Variants in TDRD1 observed in about 807,000 individuals in gnomAD.
TDRD1 encodes tudor domain-containing protein 1.
In TDRD1, 37 loss-of-function variants were observed where a neutral mutation model predicts 140.6. The ratio of observed to expected loss-of-function variants is 0.26; its 90% CI spans 0.20 to 0.35. TDRD1 has a LOEUF of 0.35. TDRD1 is among the 10% of genes least tolerant of loss of function. TDRD1 has a pLI of 1.00. For missense variants in TDRD1, 1,243 were observed against 1,393.0 expected (o/e 0.89, Z 1.71); for synonymous variants, 506 against 475.7 (o/e 1.06, Z -0.83).
exon 2 of TDRD1, chr10:114,188,079 A>T: frequency 6.2e-7 from 1 of 1,613,816 alleles, no homozygotes; most frequent in Non-Finnish European, 8.5e-7. Context: ...CAGGAAGACA[A>T]TTCAGTTTCT....
intron 3 of TDRD1, among the ~76,000 whole-genome samples, chr10:114,195,708 T>C (rs551553799): frequency 1.3e-5 from 2 of 152,250 alleles, no homozygotes; most frequent in African/African-American, 4.8e-5. Context: ...ATAGACACCA[T>C]ATATTTAGGT....
At chr10:114,192,325 A>C (rs2034036862) in intron 3 of TDRD1, among the ~76,000 whole-genome samples, 1 of 75,820 alleles carries the variant, frequency 1.3e-5, no homozygotes, top group African/African-American at 5.3e-5. Context: ...TTTTTTTGAG[A>C]CGGAGTCTTG....
chr10:114,182,604 C>T (rs192617994), intron 1 of TDRD1, among the ~76,000 whole-genome samples: 4 of 152,134 alleles, frequency 2.6e-5, no homozygotes, highest in African/African-American at 7.2e-5. Context: ...GATGTCATTT[C>T]GGACAGCAGG....
intron 14 of TDRD1, among the ~76,000 whole-genome samples, chr10:114,213,115 C>T (rs1408425258): frequency 6.6e-6 from 1 of 152,056 alleles, no homozygotes; most frequent in African/African-American, 2.4e-5. Context: ...CCATGTTGCC[C>T]AGTCTGGTCT....
intron 11 of TDRD1, among the ~76,000 whole-genome samples, chr10:114,209,249 G>A (rs1443979322): frequency 6.6e-6 from 1 of 152,128 alleles, no homozygotes; most frequent in Non-Finnish European, 1.5e-5. Context: ...AACTCATGGA[G>A]GATCTTATGA....
At chr10:114,210,714 A>G (rs1487715400) in exon 12 of TDRD1, 1 of 1,612,142 alleles carries the variant, frequency 6.2e-7, no homozygotes, top group Non-Finnish European at 8.5e-7. Flanking sequence ...TTCAAACACC[A>G]GAAGACTTCT....
intron 25 of TDRD1, among the ~76,000 whole-genome samples, chr10:114,229,354 T>A (rs182099455): frequency 6.6e-6 from 1 of 152,332 alleles, no homozygotes; most frequent in Admixed American, 6.5e-5. Flanking sequence ...ATCTTTCATG[T>A]GGTAATAGAC....
chr10:114,202,187 A>G (rs140252505), intron 5 of TDRD1, 51 bp from the exon 6 acceptor site: 47 of 1,426,416 alleles, frequency 3.3e-5, no homozygotes, highest in Non-Finnish European at 4.3e-5. Flanking sequence ...GATAGCCCCT[A>G]TGTTAATTGC....
At chr10:114,207,617 G>A (rs1750412963) in intron 11 of TDRD1, among the ~76,000 whole-genome samples, 1 of 152,052 alleles carries the variant, frequency 6.6e-6, no homozygotes, top group African/African-American at 2.4e-5. Flanking sequence ...TGGTAGTCAT[G>A]GTTGAAACCG....
chr10:114,205,234 C>G (rs1411842353), intron 10 of TDRD1, among the ~76,000 whole-genome samples: 1 of 152,170 alleles, frequency 6.6e-6, no homozygotes, highest in African/African-American at 2.4e-5. Flanking sequence ...CTTGGAGTAA[C>G]CTTCACGGAA....
intron 6 of TDRD1, among the ~76,000 whole-genome samples, chr10:114,202,637 C>T (rs1589681467): frequency 6.6e-6 from 1 of 152,160 alleles, no homozygotes; most frequent in Non-Finnish European, 1.5e-5. Flanking sequence ...TAGGCAACAA[C>T]ATGGGCTGAA....
chr10:114,219,624 G>A, intron 18 of TDRD1, among the ~76,000 whole-genome samples: 1 of 113,054 alleles, frequency 8.8e-6, no homozygotes, highest in South Asian at 2.7e-4. Flanking sequence ...TTTCACTGTT[G>A]TTGCCCAGGC....
At chr10:114,176,290 G>GA (rs558894627), upstream of TDRD1, among the ~76,000 whole-genome samples, 11,040 of 134,916 alleles carry the variant, frequency 0.082, 449 homozygotes, top group South Asian at 0.1. This position sits in a 1 kb window ranked among gnomAD's most constrained non-coding sequence, Gnocchi z 4.2. Flanking sequence ...AAATTGAATG[G>GA]AAAAAAAAAA....
chr10:114,187,689 A>T (rs2033643174), intron 1 of TDRD1, 137 bp from the exon 2 acceptor site: 1 of 756,452 alleles, frequency 1.3e-6, no homozygotes, highest in Admixed American at 3.0e-5. Flanking sequence ...TTTTGATGTC[A>T]TGGTTATATC....
At chr10:114,204,861 C>A in exon 10 of TDRD1, 4 of 1,593,792 alleles carry the variant, frequency 2.5e-6, no homozygotes, top group Non-Finnish European at 3.4e-6. Flanking sequence ...GAAGTGGTTA[C>A]CTTTGCTGTA....
At chr10:114,194,421 T>C (rs1239898614) in intron 3 of TDRD1, among the ~76,000 whole-genome samples, 1 of 152,156 alleles carries the variant, frequency 6.6e-6, no homozygotes, top group Non-Finnish European at 1.5e-5. Context: ...TGTTTGCATT[T>C]TTTAAGGAAT....
At chr10:114,189,686 G>C (rs1479163022) in intron 2 of TDRD1, among the ~76,000 whole-genome samples, 1 of 152,098 alleles carries the variant, frequency 6.6e-6, no homozygotes, top group African/African-American at 2.4e-5. Flanking sequence ...CAAACCCCTG[G>C]GCACAAACGA....
At chr10:114,190,511 G>A (rs992151767) in intron 2 of TDRD1, among the ~76,000 whole-genome samples, 6 of 152,016 alleles carry the variant, frequency 3.9e-5, no homozygotes, top group African/African-American at 9.7e-5. Flanking sequence ...TTTTCAAGAC[G>A]GAGTCTCACT....
chr10:114,201,527 T>C lies in TDRD1; in HGVS notation c.635+12T>C, dbSNP rs1182182289. On this transcript the variant is annotated intron_variant, in intron 5 of 25. Transcript: ENST00000251864. The stretch of plus-strand genomic sequence containing the variant: ...CCTGTTCAGCCAAAGTAAGGATTTA[T>C]GATCTTTTTATTCATTAAGGATTAT... The C allele has an allele frequency of 6.2e-7, 1 of 1,606,544 alleles. No homozygotes were observed. The highest frequency in any genetic ancestry group is 8.5e-7 in the Non-Finnish European group (1 of 1,174,870).
Sources: gnomAD v4.1 joint callset for allele counts (sites outside exome capture counted in the v4.1 genomes callset) on GRCh38, gnomAD v4.1.1 for gene constraint, Gnocchi (gnomAD v3.1) non-coding constraint, MANE v1.5 for transcripts, NCBI Gene and HGNC (gene_info 2026-07-23, HGNC 2026-07-21) for gene names.